Variants in FAM114A1 observed in about 807,000 individuals in gnomAD.
FAM114A1 encodes family with sequence similarity 114 member A1, also known as protein NOXP20.
Under a neutral mutation model 64.3 loss-of-function variants are expected in FAM114A1, and 62 were observed. The ratio of observed to expected loss-of-function variants is 0.96; its 90% CI spans 0.79 to 1.19. FAM114A1 has a LOEUF of 1.19. FAM114A1 is among the 50% of genes most tolerant of loss of function. The probability of loss-of-function intolerance (pLI) is 0.00; values close to 1 mark genes in which losing one functional copy is unlikely to be tolerated. For missense variants in FAM114A1, 645 were observed against 676.3 expected, an observed-to-expected ratio of 0.95 and a Z score of 0.51; for synonymous variants, 254 against 251.1, an observed-to-expected ratio of 1.01 and a Z score of -0.11.
At chr4:38,909,102 T>G (rs1484070977) in intron 7 of FAM114A1, among the ~76,000 whole-genome samples, 2 of 152,246 alleles carry the variant, frequency 1.3e-5, no homozygotes, top group African/African-American at 4.8e-5. Context: ...TGTTCCTTGC[T>G]TAATTCACTT....
At chr4:38,932,953 A>G (rs1720782126) in intron 12 of FAM114A1, among the ~76,000 whole-genome samples, 1 of 151,228 alleles carries the variant, frequency 6.6e-6, no homozygotes, top group Non-Finnish European at 1.5e-5. Context: ...TCCCAGGTTC[A>G]AGCGATTCTC....
chr4:38,928,960 G>A (rs1037486134), intron 9 of FAM114A1: 7 of 419,922 alleles, frequency 1.7e-5, no homozygotes, highest in African/African-American at 6.1e-5. Context: ...CAAGACAAGC[G>A]AGGTCCCTCC....
chr4:38,906,553 A>G lies in FAM114A1; in HGVS notation c.657+692A>G, dbSNP rs545920458. On this transcript the variant is annotated intron_variant, in intron 6 of 14. Coordinates refer to ENST00000358869, the MANE Select transcript of FAM114A1 (RefSeq NM_138389.4). ...TTTTGTTTTTTCTTTTGTTTTTTTG[A>G]GATGGAGTCTCACTCTTGTCACCTA... Among the ~76,000 whole-genome samples the G allele has an allele frequency of 7.9e-5, 12 of 152,218 alleles. No homozygotes were observed. The East Asian group carries it at 2.3e-3, about 29-fold the overall frequency.
chr4:38,900,172 G>T (rs1029683682), intron 4 of FAM114A1, among the ~76,000 whole-genome samples: 2 of 151,452 alleles, frequency 1.3e-5, no homozygotes, highest in Non-Finnish European at 2.9e-5. Context: ...TTAGAATGAC[G>T]TTTTGAAAAT....
At position 38,932,296 on chromosome 4, in the gene FAM114A1, T is replaced by C. The variant is rs1406268314; in HGVS notation, c.1385T>C (p.Leu462Pro). 2 of 1,613,960 alleles carry C rather than the reference T, an allele frequency of 1.2e-6. No individual in the cohort carries two copies. Among genetic ancestry groups the C allele is most frequent in the Non-Finnish European group, 1.7e-6 (2 of 1,179,992 alleles). ...AEVTARCIEQ[L>P]HKVAELILHG... ...GTAACAGCGCGCTGTATTGAGCAGCTTCATAAAGTAGCAGAATTAATTCTT... is the reference window on the plus strand; with the variant it reads ...GTAACAGCGCGCTGTATTGAGCAGCCTCATAAAGTAGCAGAATTAATTCTT... Residue 462 changes from leucine to proline, a missense_variant, in exon 12 of 15, where the codon CTT becomes CCT. By Grantham distance (98) the Leu-to-Pro change is moderately conservative. Coordinates refer to ENST00000358869, the MANE Select transcript of FAM114A1 (RefSeq NM_138389.4).
At chr4:38,870,925 C>G (rs572982369) in intron 2 of FAM114A1, among the ~76,000 whole-genome samples, 1 of 152,050 alleles carries the variant, frequency 6.6e-6, no homozygotes, top group African/African-American at 2.4e-5. Context: ...CATCCACAGT[C>G]GATAAAGTTC....
chr4:38,868,073 G>A, intron 1 of FAM114A1: 1 of 415,644 alleles, frequency 2.4e-6, no homozygotes, highest in Non-Finnish European at 4.9e-6. Flanking sequence ...GTGTGTGTGA[G>A]TGTGTGTCGC....
chr4:38,930,968 C>T (rs1451341280), intron 10 of FAM114A1, among the ~76,000 whole-genome samples: 1 of 152,182 alleles, frequency 6.6e-6, no homozygotes, highest in African/African-American at 2.4e-5. Flanking sequence ...AGCCCTTCTT[C>T]ACCTTCCCAG....
rs1721013828 is a variant in FAM114A1, at chr4:38,935,642, A to G, written c.1464-76A>G. ...CTTTTAAATGTCATACTGAATTAGT[A>G]TCAGAAATGGTCGTGACAGTTAAAT... On this transcript the variant is annotated intron_variant, in intron 12 of 14. Coordinates refer to ENST00000358869, the MANE Select transcript of FAM114A1 (RefSeq NM_138389.4). The G allele has an allele frequency of 5.9e-6, 6 of 1,009,348 alleles. No homozygotes were observed. In the South Asian group the frequency reaches 7.8e-5, roughly 13 times the overall value. 62.5% of individuals were successfully genotyped at this position (1,009,348 alleles called of 1,614,324 possible). A position where few individuals can be genotyped will look rare whatever the true frequency, so the allele number is the denominator to read the frequency against.
intron 11 of FAM114A1, 42 bp from the exon 12 acceptor site, chr4:38,932,193 C>A (rs751153714): frequency 6.4e-7 from 1 of 1,560,408 alleles, no homozygotes; most frequent in Admixed American, 2.2e-5. Context: ...AAAAAAGCAT[C>A]TGCTCAGTAA....
At chr4:38,901,176 C>G (rs1293014480) in intron 4 of FAM114A1, among the ~76,000 whole-genome samples, 4 of 152,174 alleles carry the variant, frequency 2.6e-5, no homozygotes, top group Non-Finnish European at 5.9e-5. Context: ...GCATATGGGA[C>G]CAATAGGAAG....
chr4:38,936,435 TA>T (rs1418205869), intron 13 of FAM114A1, among the ~76,000 whole-genome samples: 1 of 151,624 alleles, frequency 6.6e-6, no homozygotes. Context: ...TTCCTTTTAT[TA>T]CTTAATATCT....
chr4:38,882,924 G>C (rs970555205), intron 3 of FAM114A1, among the ~76,000 whole-genome samples: 1 of 152,184 alleles, frequency 6.6e-6, no homozygotes. Flanking sequence ...TTTCTGGCTG[G>C]CACCTCTGTT....
intron 13 of FAM114A1, 140 bp from the exon 14 acceptor site, chr4:38,940,828 C>T (rs1721526962): frequency 2.4e-6 from 2 of 816,508 alleles, no homozygotes; most frequent in Admixed American, 5.0e-5. Flanking sequence ...GGTATGAAGC[C>T]TGGTCTGTAG....
At chr4:38,908,442 T>A (rs1326513031) in intron 6 of FAM114A1, 150 bp from the exon 7 acceptor site, 2 of 660,386 alleles carry the variant, frequency 3.0e-6, no homozygotes, top group Non-Finnish European at 4.8e-6. Context: ...AGAATAGGAT[T>A]AAATGGATGA....
chr4:38,885,644 A>T (rs564830370), intron 3 of FAM114A1, among the ~76,000 whole-genome samples: 5 of 152,318 alleles, frequency 3.3e-5, no homozygotes, highest in African/African-American at 1.2e-4. Context: ...TAAATAGTCC[A>T]CCATGTGTAC....
intron 3 of FAM114A1, among the ~76,000 whole-genome samples, chr4:38,883,845 A>G (rs1715539990): frequency 1.3e-5 from 2 of 152,288 alleles, no homozygotes; most frequent in South Asian, 2.1e-4. Context: ...GAACGGTGAC[A>G]CCCAGTTTTG....
At chr4:38,943,420 A>G in intron 14 of FAM114A1, 36 bp from the exon 15 acceptor site, 1 of 1,560,978 alleles carries the variant, frequency 6.4e-7, no homozygotes, top group South Asian at 1.1e-5. Context: ...TGAACTATGA[A>G]AATAACCCTT....
At chr4:38,910,399 C>G (rs898236636) in intron 7 of FAM114A1, among the ~76,000 whole-genome samples, 11 of 152,334 alleles carry the variant, frequency 7.2e-5, no homozygotes, top group African/African-American at 2.6e-4. Context: ...CCTGCTCACA[C>G]AGGAGCTCGT....
Sources: gnomAD v4.1 joint callset for allele counts (sites outside exome capture counted in the v4.1 genomes callset) on GRCh38, gnomAD v4.1.1 for gene constraint, MANE v1.5 for transcripts, NCBI Gene and HGNC (gene_info 2026-07-23, HGNC 2026-07-21) for gene names.